Variants in TXNDC12 observed in about 807,000 individuals in gnomAD.
The protein encoded by TXNDC12 is thioredoxin domain containing 12.
A neutral mutation model predicts 24.2 loss-of-function variants in TXNDC12; 22 were observed. The observed-to-expected ratio is 0.91, with a 90% CI of 0.65 to 1.30. TXNDC12 has a LOEUF of 1.30. Among genes scored for constraint, TXNDC12 ranks in the 50% most tolerant of loss-of-function variants. The pLI is 0.00. For synonymous variants in TXNDC12, 58 were observed against 73.4 expected (o/e 0.79, Z 1.07); for missense variants, 184 against 205.8 (o/e 0.89, Z 0.65).
intron 2 of TXNDC12, among the ~76,000 whole-genome samples, chr1:52,037,207 C>CT (rs34590025): frequency 0.046 from 5,714 of 123,448 alleles, 309 homozygotes; most frequent in African/African-American, 0.11. Flanking sequence ...AATAGACCAC[C>CT]TTTTTTTTTT....
chr1:52,032,916 C>T, intron 2 of TXNDC12: 1 of 1,610,378 alleles, frequency 6.2e-7, no homozygotes, highest in South Asian at 1.1e-5. Context: ...TCAATCCGGC[C>T]AGTACTTGAC....
At chr1:52,022,635 GTTTTTTTTTTTT>G (rs1188645759) in intron 6 of TXNDC12, among the ~76,000 whole-genome samples, 1 of 118,616 alleles carries the variant, frequency 8.4e-6, no homozygotes, top group Non-Finnish European at 1.8e-5. Flanking sequence ...GGTTTTTTTG[GTTTTTTTTTTTT>G]TTTTTTTTTG....
intron 4 of TXNDC12, 84 bp from the exon 5 acceptor site, chr1:52,024,663 G>T: frequency 2.8e-6 from 3 of 1,087,170 alleles, no homozygotes; most frequent in Non-Finnish European, 4.1e-6. Context: ...ACTTGTCAGG[G>T]CAAAACCCCA....
chr1:52,051,961 A>C (rs1686214364), intron 1 of TXNDC12: 10 of 167,088 alleles, frequency 6.0e-5, no homozygotes. Flanking sequence ...CCTTTTAGGG[A>C]TTATTATTAT....
At chr1:52,053,922 ACTGT>A (rs1021257355) in intron 1 of TXNDC12, among the ~76,000 whole-genome samples, 10 of 152,166 alleles carry the variant, frequency 6.6e-5, no homozygotes, top group African/African-American at 2.4e-4. Context: ...CCTAGTTGAA[ACTGT>A]CTTATTAATT....
At chr1:52,032,583 C>T (rs1685783024) in intron 2 of TXNDC12, 2 of 1,436,930 alleles carry the variant, frequency 1.4e-6, no homozygotes, top group Admixed American at 3.0e-5. Context: ...TCAGTCACAA[C>T]AGCTCTAGTA....
chr1:52,041,178 A>C (rs1444258971), intron 2 of TXNDC12, among the ~76,000 whole-genome samples: 1 of 151,764 alleles, frequency 6.6e-6, no homozygotes, highest in Non-Finnish European at 1.5e-5. Flanking sequence ...TAAAAATACA[A>C]AAAAATTAGC....
chr1:52,034,909 G>A (rs988012320), intron 2 of TXNDC12, among the ~76,000 whole-genome samples: 1 of 152,060 alleles, frequency 6.6e-6, no homozygotes, highest in Non-Finnish European at 1.5e-5. Flanking sequence ...GACTATGGGT[G>A]TGCGCCACCA....
intron 2 of TXNDC12, among the ~76,000 whole-genome samples, chr1:52,040,314 C>A (rs964665550): frequency 1.3e-5 from 2 of 151,976 alleles, no homozygotes; most frequent in Non-Finnish European, 1.5e-5. Flanking sequence ...GCCTCAAACT[C>A]CCAGGCTCAA....
Position 52,020,976 on chromosome 1 carries a change from G to A in TXNDC12, c.476C>T (p.Thr159Met), listed in dbSNP as rs758022758. The A allele has an allele frequency of 1.1e-5, 18 of 1,613,878 alleles. No individual in the cohort carries two copies. In the South Asian group the frequency reaches 1.2e-4, roughly 11 times the overall value. The change falls in exon 7 of 7, where the codon ACG becomes ATG. Residue 159 changes from threonine to methionine, a missense_variant. Thr to Met is a moderately conservative substitution (Grantham distance 81). Coordinates refer to ENST00000371626, the MANE Select transcript of TXNDC12 (RefSeq NM_015913.4). The part of the protein sequence containing the change: ...QGMKEAQERL[T>M]GDAFRKKHLE... The stretch of plus-strand genomic sequence containing the variant: ...ATGTTTCTTTCTGAAGGCATCACCC[G>A]TCAGCCTTTCCTGAGCTTCCTTCAT...
intron 2 of TXNDC12, chr1:52,033,114 A>C: frequency 1.2e-6 from 2 of 1,613,118 alleles, no homozygotes; most frequent in Non-Finnish European, 1.7e-6. Context: ...CGGGAGCCTC[A>C]AAGCGCAGCG....
At chr1:52,026,522 T>G (rs1685673868) in intron 4 of TXNDC12, among the ~76,000 whole-genome samples, 1 of 152,238 alleles carries the variant, frequency 6.6e-6, no homozygotes, top group South Asian at 2.1e-4. Flanking sequence ...GTGGTCTGCA[T>G]GTATGACTAT....
In TXNDC12 at chr1:52,041,580, G is replaced by T; in HGVS notation, c.115C>A (p.His39Asn). The T allele has an allele frequency of 6.2e-7, 1 of 1,611,518 alleles. No homozygotes were observed. The highest frequency in any genetic ancestry group is 8.5e-7 in the Non-Finnish European group (1 of 1,178,480). Reference protein sequence around the residue: ...GLGKGFGDHIHWRTLEDGKKE... With the variant: ...GLGKGFGDHINWRTLEDGKKE... Reference sequence around the variant, plus strand: ...TTCCCATCTTCCAGTGTCCTCCAATGAATATGATCTCCAAAACCTGGAAGG... The same window carrying T: ...TTCCCATCTTCCAGTGTCCTCCAATTAATATGATCTCCAAAACCTGGAAGG... The change falls in exon 2 of 7, where the codon CAT becomes AAT. Residue 39 changes from histidine to asparagine, a missense_variant. His to Asn is a moderately conservative substitution (Grantham distance 68). Coordinates refer to ENST00000371626, the MANE Select transcript of TXNDC12 (RefSeq NM_015913.4).
intron 2 of TXNDC12, among the ~76,000 whole-genome samples, chr1:52,030,204 TACAAAAAAATACAAAACTTA>T (rs1225978639): frequency 5.9e-5 from 9 of 151,966 alleles, no homozygotes; most frequent in African/African-American, 1.9e-4. Context: ...AACCTGTCTC[TACAAAAAAATACAAAACTTA>T]GCCGGTCGTG....
At chr1:52,054,639 T>C (rs1198823006) in intron 1 of TXNDC12, among the ~76,000 whole-genome samples, 1 of 152,220 alleles carries the variant, frequency 6.6e-6, no homozygotes, top group East Asian at 1.9e-4. Flanking sequence ...CAGGGTCCTC[T>C]GCATATGCAG....
In TXNDC12 at chr1:52,042,144, GAAGT is replaced by G. The variant is rs1190198507; in HGVS notation, c.98-551_98-548del. Among the ~76,000 whole-genome samples, 4 of 152,168 alleles carry G rather than the reference GAAGT, an allele frequency of 2.6e-5. 1 individual carries two copies. The highest frequency in any genetic ancestry group is 6.5e-5 in the Admixed American group (1 of 15,280). On this transcript the variant is annotated intron_variant, in intron 1 of 6. Transcript: ENST00000371626. ...CCAAGTGTTAGTATAAGGATTAAAT[GAAGT>G]AAGTATTTAAAGCTATTGTTATTAT...
In TXNDC12 at chr1:52,039,912, TTTTTTA is replaced by T. The variant is rs995275327; in HGVS notation, c.158+1619_158+1624del. 1.1e-4 allele frequency among the ~76,000 whole-genome samples: 17 copies of T among 151,978 alleles called. No individual in the cohort carries two copies. In the East Asian group the frequency reaches 1.7e-3, roughly 16 times the overall value. On this transcript the variant is annotated intron_variant, in intron 2 of 6. Coordinates refer to ENST00000371626, the MANE Select transcript of TXNDC12 (RefSeq NM_015913.4). ...GTGTTTGTGTGCAGAAGTTTTTTAT[TTTTTTA>T]TTTTTATTTTTATTTTTTATTTTTG...
chr1:52,026,862 C>A (rs1557990743), intron 4 of TXNDC12, among the ~76,000 whole-genome samples: 1 of 152,120 alleles, frequency 6.6e-6, no homozygotes, highest in African/African-American at 2.4e-5. Flanking sequence ...ATGGCAAAAC[C>A]CCATCTCTAT....
intron 1 of TXNDC12, among the ~76,000 whole-genome samples, chr1:52,050,395 A>G (rs1686179168): frequency 6.6e-6 from 1 of 152,206 alleles, no homozygotes; most frequent in Non-Finnish European, 1.5e-5. Context: ...CTGCAAAGTA[A>G]AGTCTCCCAC....
Sources: allele counts gnomAD v4.1 joint callset (sites outside exome capture counted in the v4.1 genomes callset), GRCh38; gene constraint gnomAD v4.1.1; transcripts MANE v1.5; gene names NCBI Gene and HGNC (gene_info 2026-07-23, HGNC 2026-07-21).